TMEM38B: variants seen among roughly 807,000 people sequenced by gnomAD.
TMEM38B encodes trimeric intracellular cation channel type B.
TMEM38B carries 24 observed loss-of-function variants against 28.7 expected under a neutral mutation model. The observed-to-expected ratio is 0.84, with a 90% CI of 0.61 to 1.18. The LOEUF (loss-of-function observed/expected upper bound fraction) is 1.18, where lower values mean the gene tolerates loss of function less well. Among genes scored for constraint, TMEM38B ranks in the 50% most tolerant of loss-of-function variants. TMEM38B has a pLI of 0.00. For missense variants in TMEM38B, 380 were observed against 350.9 expected, an observed-to-expected ratio of 1.08 and a Z score of -0.66; for synonymous variants, 131 against 127.7, an observed-to-expected ratio of 1.03 and a Z score of -0.17.
chr9:105,711,705 A>G (rs1835910098), intron 2 of TMEM38B, among the ~76,000 whole-genome samples: 1 of 151,760 alleles, frequency 6.6e-6, no homozygotes, highest in Non-Finnish European at 1.5e-5. Context: ...CTGTAGTCCC[A>G]GCTATTTGGA....
At chr9:105,719,793 A>C (rs1836256669) in intron 2 of TMEM38B, among the ~76,000 whole-genome samples, 1 of 152,156 alleles carries the variant, frequency 6.6e-6, no homozygotes, top group African/African-American at 2.4e-5. Context: ...GTAAGGAATG[A>C]AAATGGGTCA....
chr9:105,751,820 T>TG (rs1400178411), intron 5 of TMEM38B, among the ~76,000 whole-genome samples: 1 of 152,204 alleles, frequency 6.6e-6, no homozygotes, highest in Non-Finnish European at 1.5e-5. Context: ...ACAGCTGCCT[T>TG]GGCAGATCAT....
At chr9:105,756,377 G>T (rs1008948365) in intron 5 of TMEM38B, among the ~76,000 whole-genome samples, 1 of 152,116 alleles carries the variant, frequency 6.6e-6, no homozygotes. Flanking sequence ...AAAGCATTTG[G>T]TATTTCACTA....
At chr9:105,751,264 A>C (rs111549275) in intron 5 of TMEM38B, among the ~76,000 whole-genome samples, 2,112 of 152,306 alleles carry the variant, frequency 0.014, 36 homozygotes, top group African/African-American at 0.041. Context: ...ACCATGGCCC[A>C]CCTGGGAGCA....
chr9:105,696,375 G>A (rs1324876893), intron 1 of TMEM38B, among the ~76,000 whole-genome samples: 1 of 152,136 alleles, frequency 6.6e-6, no homozygotes, highest in East Asian at 1.9e-4. Flanking sequence ...TGCAACCTGT[G>A]CCTCCTGGGT....
intron 5 of TMEM38B, among the ~76,000 whole-genome samples, chr9:105,751,499 C>T (rs1393658786): frequency 6.6e-6 from 1 of 152,204 alleles, no homozygotes; most frequent in African/African-American, 2.4e-5. Flanking sequence ...AGTTTATATA[C>T]TCTGGCCCTG....
rs114515488 is a variant in TMEM38B at position 105,737,588 on chromosome 9, G to C, written c.543-10485G>C. Among the ~76,000 whole-genome samples, 502 of 152,330 alleles carry C rather than the reference G, an allele frequency of 3.3e-3. 3 individuals carry two copies. Among genetic ancestry groups the C allele is most frequent in the African/African-American group, 0.012 (481 of 41,586 alleles). ...GGAAGTGGGATGCCTCAGCAGCGTA[G>C]ACGCTGGGGACTAGTCCAGTTCTGT... On this transcript the variant is annotated intron_variant, in intron 4 of 5. Coordinates refer to ENST00000374692, the MANE Select transcript of TMEM38B (RefSeq NM_018112.3).
intron 5 of TMEM38B, chr9:105,760,136 T>G (rs1188510368): frequency 7.9e-6 from 7 of 882,524 alleles, no homozygotes; most frequent in Admixed American, 1.8e-5. Flanking sequence ...TTGTGTCGTT[T>G]GTTACTTCCG....
chr9:105,712,950 C>T (rs909307588), intron 2 of TMEM38B, among the ~76,000 whole-genome samples: 1 of 152,252 alleles, frequency 6.6e-6, no homozygotes, highest in Non-Finnish European at 1.5e-5. Flanking sequence ...CAATGTTGCC[C>T]CTGTCCTGGA....
intron 5 of TMEM38B, 142 bp downstream of exon 5, chr9:105,748,332 C>T (rs780281117): frequency 1.6e-6 from 1 of 619,802 alleles, no homozygotes; most frequent in South Asian, 2.1e-5. Context: ...CTTTACTCAG[C>T]ACATCCATGA....
intron 5 of TMEM38B, chr9:105,760,144 C>G (rs1210257586): frequency 2.3e-6 from 2 of 878,202 alleles, no homozygotes; most frequent in African/African-American, 1.6e-5. Flanking sequence ...TTTGTTACTT[C>G]CGCCACCAAA....
intron 1 of TMEM38B, among the ~76,000 whole-genome samples, chr9:105,703,618 G>A (rs553173599): frequency 6.6e-6 from 1 of 152,158 alleles, no homozygotes; most frequent in East Asian, 1.9e-4. Flanking sequence ...CTGAGTAATC[G>A]CCACACTGAC....
At chr9:105,728,252 C>A (rs553254703) in intron 4 of TMEM38B, among the ~76,000 whole-genome samples, 1 of 151,090 alleles carries the variant, frequency 6.6e-6, no homozygotes, top group East Asian at 2.0e-4. Flanking sequence ...AGCCCCCCAG[C>A]CCCCAACAAG....
At chr9:105,747,828 T>C (rs1837480407) in intron 4 of TMEM38B, among the ~76,000 whole-genome samples, 2 of 152,238 alleles carry the variant, frequency 1.3e-5, no homozygotes, top group African/African-American at 4.8e-5. Flanking sequence ...CTTCATTTTG[T>C]TATGCACCCA....
At chr9:105,749,829 T>A (rs1470047965) in intron 5 of TMEM38B, among the ~76,000 whole-genome samples, 1 of 152,232 alleles carries the variant, frequency 6.6e-6, no homozygotes, top group Non-Finnish European at 1.5e-5. Context: ...CTGTGAACAT[T>A]CATGTAAAAA....
At chr9:105,748,783 C>T (rs1396692838) in intron 5 of TMEM38B, among the ~76,000 whole-genome samples, 1 of 152,198 alleles carries the variant, frequency 6.6e-6, no homozygotes, top group South Asian at 2.1e-4. Flanking sequence ...GCATGTCTTT[C>T]TGTCACTGTA....
At chr9:105,764,979 G>A (rs942944139) in intron 5 of TMEM38B, among the ~76,000 whole-genome samples, 1 of 152,134 alleles carries the variant, frequency 6.6e-6, no homozygotes, top group African/African-American at 2.4e-5. Flanking sequence ...CAAGCAATGG[G>A]GGAAGGATTC....
chr9:105,724,102 C>G (rs1343828288), intron 4 of TMEM38B, among the ~76,000 whole-genome samples: 1 of 152,036 alleles, frequency 6.6e-6, no homozygotes, highest in Non-Finnish European at 1.5e-5. Context: ...TCCCAAAGTG[C>G]TGGGATTACA....
intron 2 of TMEM38B, chr9:105,710,682 A>G: frequency 1.4e-6 from 1 of 693,322 alleles, no homozygotes; most frequent in Non-Finnish European, 2.8e-6. Context: ...CTATAGGATC[A>G]TAACGACCAA....
Sources: gnomAD v4.1 joint callset for allele counts (sites outside exome capture counted in the v4.1 genomes callset) on GRCh38, gnomAD v4.1.1 for gene constraint, MANE v1.5 for transcripts, NCBI Gene and HGNC (gene_info 2026-07-23, HGNC 2026-07-21) for gene names.